FTO: variants seen among roughly 807,000 people sequenced by gnomAD.
FTO encodes the protein alpha-ketoglutarate-dependent dioxygenase FTO.
FTO carries 47 observed loss-of-function variants against 63.9 expected under a neutral mutation model. The observed-to-expected ratio is 0.74, with a 90% CI of 0.58 to 0.94. FTO has a LOEUF of 0.94. Ranked by LOEUF, FTO falls within the 40% of genes least tolerant of loss-of-function variation. The pLI is 0.00. For missense variants in FTO, 562 were observed against 618.1 expected, an observed-to-expected ratio of 0.91 and a Z score of 0.96; for synonymous variants, 207 against 224.4, an observed-to-expected ratio of 0.92 and a Z score of 0.69.
intron 8 of FTO, among the ~76,000 whole-genome samples, chr16:54,110,972 T>G (rs1209222508): frequency 6.6e-6 from 1 of 152,242 alleles, no homozygotes; most frequent in Non-Finnish European, 1.5e-5. Flanking sequence ...CCAGTCTCTC[T>G]GAGAGATAGA....
chr16:53,721,419 A>G (rs1177854352), intron 1 of FTO, among the ~76,000 whole-genome samples: 7 of 152,210 alleles, frequency 4.6e-5, no homozygotes, highest in Admixed American at 4.6e-4. Flanking sequence ...TAGAACAGCT[A>G]TTAATATTTT....
chr16:53,708,803 G>A (rs1290233137), intron 1 of FTO, among the ~76,000 whole-genome samples: 3 of 152,092 alleles, frequency 2.0e-5, no homozygotes, highest in Non-Finnish European at 4.4e-5. Context: ...TGTGCTTATT[G>A]GACATGTGTA....
At chr16:53,848,553 A>G (rs1165298102) in intron 4 of FTO, among the ~76,000 whole-genome samples, 3 of 152,164 alleles carry the variant, frequency 2.0e-5, no homozygotes, top group Non-Finnish European at 2.9e-5. Flanking sequence ...CAGATTTACA[A>G]TTTTCACTAA....
chr16:54,019,678 G>A (rs1409281101), intron 8 of FTO, among the ~76,000 whole-genome samples: 1 of 152,142 alleles, frequency 6.6e-6, no homozygotes, highest in Non-Finnish European at 1.5e-5. Context: ...AAATAGGAGA[G>A]CTGGCTTTCC....
chr16:53,929,076 C>T (rs1426232959), intron 7 of FTO, among the ~76,000 whole-genome samples: 1 of 152,166 alleles, frequency 6.6e-6, no homozygotes, highest in Non-Finnish European at 1.5e-5. Context: ...CTACTGATCT[C>T]AGATGATCTA....
chr16:54,004,230 T>C lies in FTO; in HGVS notation c.1364+70121T>C, dbSNP rs142676639. Among the ~76,000 whole-genome samples, 54 of 152,208 alleles carry C rather than the reference T, an allele frequency of 3.5e-4. No homozygotes were observed. The East Asian group carries it at 7.9e-3, about 22-fold the overall frequency. On this transcript the variant is annotated intron_variant, in intron 8 of 8. Coordinates refer to ENST00000471389, the MANE Select transcript of FTO (RefSeq NM_001080432.3). ...CGTCTTTAGGGAAAAGACCGTATTATGAATTTAGCAAGCAAGTTGAGCATG... is the reference window on the plus strand; with the variant it reads ...CGTCTTTAGGGAAAAGACCGTATTACGAATTTAGCAAGCAAGTTGAGCATG...
intron 8 of FTO, among the ~76,000 whole-genome samples, chr16:54,111,536 T>A (rs893322669): frequency 3.3e-5 from 5 of 152,144 alleles, no homozygotes; most frequent in Non-Finnish European, 7.4e-5. Context: ...CCTGAGATAA[T>A]ACAAATCTGG....
chr16:54,104,251 C>A (rs2086699440), intron 8 of FTO, among the ~76,000 whole-genome samples: 1 of 151,442 alleles, frequency 6.6e-6, no homozygotes, highest in Non-Finnish European at 1.5e-5. Context: ...GCTGATCTGG[C>A]AGGTGGGTTT....
At chr16:53,885,341 A>G (rs887545484) in intron 6 of FTO, among the ~76,000 whole-genome samples, 1 of 152,124 alleles carries the variant, frequency 6.6e-6, no homozygotes, top group Non-Finnish European at 1.5e-5. Flanking sequence ...AAATCCTGTA[A>G]TAGTTTTTAC....
chr16:53,740,408 T>C (rs1277824235), intron 1 of FTO, among the ~76,000 whole-genome samples: 1 of 152,246 alleles, frequency 6.6e-6, no homozygotes, highest in African/African-American at 2.4e-5. Flanking sequence ...TATCTTCATG[T>C]TACGTTCCTG....
intron 7 of FTO, among the ~76,000 whole-genome samples, chr16:53,927,979 T>G (rs964098402): frequency 6.6e-6 from 1 of 152,276 alleles, no homozygotes. Context: ...ACAAGGTAGA[T>G]TGGCAGAGTT....
intron 7 of FTO, among the ~76,000 whole-genome samples, chr16:53,899,358 CT>C (rs1285539660): frequency 6.6e-6 from 1 of 151,918 alleles, no homozygotes; most frequent in East Asian, 1.9e-4. Context: ...TTTCCCTCTT[CT>C]GGAAAAACTT....
chr16:53,939,087 G>A (rs558590759), intron 8 of FTO, among the ~76,000 whole-genome samples: 27 of 152,214 alleles, frequency 1.8e-4, no homozygotes, highest in Non-Finnish European at 2.2e-4. Context: ...GCGAGACTCT[G>A]TCTCAAAATA....
At chr16:53,864,132 A>G (rs547431598) in intron 4 of FTO, among the ~76,000 whole-genome samples, 4 of 152,290 alleles carry the variant, frequency 2.6e-5, no homozygotes, top group South Asian at 4.1e-4. Context: ...TCTAGGAAAA[A>G]CAAGGTCATA....
intron 8 of FTO, among the ~76,000 whole-genome samples, chr16:53,965,071 C>T (rs1376007696): frequency 6.6e-6 from 1 of 151,964 alleles, no homozygotes; most frequent in African/African-American, 2.4e-5. Context: ...AGTGATGAAC[C>T]CCCCGCCCTT....
intron 8 of FTO, among the ~76,000 whole-genome samples, chr16:53,986,062 C>T (rs775372542): frequency 6.6e-6 from 1 of 152,142 alleles, no homozygotes; most frequent in Non-Finnish European, 1.5e-5. Context: ...TAGAGAAGAA[C>T]GCTGATGTGG....
At chr16:53,840,395 G>A (rs896954165) in intron 3 of FTO, among the ~76,000 whole-genome samples, 1 of 152,014 alleles carries the variant, frequency 6.6e-6, no homozygotes, top group African/African-American at 2.4e-5. Flanking sequence ...TACATTATTA[G>A]GTATTAGTCA....
chr16:54,023,996 C>T (rs939946749), intron 8 of FTO, among the ~76,000 whole-genome samples: 2 of 151,982 alleles, frequency 1.3e-5, no homozygotes, highest in African/African-American at 2.4e-5. Flanking sequence ...ACTGATAATG[C>T]GTTGTTTATA....
At chr16:53,870,621 CTT>C (rs1478547031) in intron 4 of FTO, among the ~76,000 whole-genome samples, 1 of 152,152 alleles carries the variant, frequency 6.6e-6, no homozygotes, top group African/African-American at 2.4e-5. Context: ...CACAATGTAA[CTT>C]TGAATGTTGT....
Sources: allele counts gnomAD v4.1 joint callset (sites outside exome capture counted in the v4.1 genomes callset), GRCh38; gene constraint gnomAD v4.1.1; transcripts MANE v1.5; gene names NCBI Gene and HGNC (gene_info 2026-07-23, HGNC 2026-07-21).